The following PCYT1A variants were observed in gnomAD, a reference collection of about 807,000 sequenced individuals.
PCYT1A encodes the protein choline-phosphate cytidylyltransferase A.
Under a neutral mutation model 43.7 loss-of-function variants are expected in PCYT1A, and 25 were observed. The observed-to-expected ratio is 0.57, with a 90% CI of 0.42 to 0.80. The LOEUF (loss-of-function observed/expected upper bound fraction) is 0.80, where lower values mean the gene tolerates loss of function less well. Ranked by LOEUF, PCYT1A falls within the 30% of genes least tolerant of loss-of-function variation. The pLI is 0.00. For synonymous variants in PCYT1A, 172 were observed against 170.7 expected (o/e 1.01, Z -0.06); for missense variants, 421 against 474.2 (o/e 0.89, Z 1.04).
chr3:196,242,501 A>G lies in PCYT1A; in HGVS notation c.565+61T>C, dbSNP rs1315013195. 9.2e-7 allele frequency: 1 copy of G among 1,082,504 alleles called. No individual in the cohort carries two copies. The highest frequency in any genetic ancestry group is 2.4e-5 in the East Asian group (1 of 42,486). The allele number at this position is 1,082,504 out of a possible 1,614,324, so 67.1% of individuals were successfully genotyped here. The stretch of plus-strand genomic sequence containing the variant: ...ACATTTTCCTCTGTAAAGCAGCAAC[A>G]TGGCTGAACATCTGCAGCTGCCCTG... On this transcript the variant is annotated intron_variant, in intron 6 of 8. Transcript: ENST00000431016. The surrounding 1 kb of genome is among the most constrained non-coding windows in gnomAD (Gnocchi z 4.2).
intron 1 of PCYT1A, among the ~76,000 whole-genome samples, chr3:196,283,109 G>A (rs561076684): frequency 2.4e-4 from 36 of 152,320 alleles, no homozygotes; most frequent in Admixed American, 9.2e-4. Flanking sequence ...AGGCCGAGGC[G>A]GATGGATCAC....
At chr3:196,281,485 G>A (rs936381957) in intron 1 of PCYT1A, among the ~76,000 whole-genome samples, 5 of 152,152 alleles carry the variant, frequency 3.3e-5, no homozygotes, top group African/African-American at 1.2e-4. Context: ...ATTAAAATTC[G>A]ATCAGAACAC....
intron 3 of PCYT1A, among the ~76,000 whole-genome samples, chr3:196,251,865 C>A (rs1025752907): frequency 2.0e-5 from 3 of 152,144 alleles, no homozygotes; most frequent in African/African-American, 7.2e-5. Context: ...ACTTTATGCC[C>A]TTTTTGTATT....
At chr3:196,275,474 G>A (rs956409375) in intron 1 of PCYT1A, among the ~76,000 whole-genome samples, 38 of 152,104 alleles carry the variant, frequency 2.5e-4, no homozygotes, top group Non-Finnish European at 3.7e-4. Context: ...AGTGGCTCAC[G>A]CCTGTAATCT....
chr3:196,241,577 C>T (rs373120088), intron 7 of PCYT1A: 19 of 1,302,102 alleles, frequency 1.5e-5, no homozygotes, highest in African/African-American at 3.0e-5. Flanking sequence ...AGTGGTGTGT[C>T]GGGTGTCACT....
At position 196,247,798 on chromosome 3, in the gene PCYT1A, G is replaced by A. The variant is rs1003130812; in HGVS notation, c.335-280C>T. On this transcript the variant is annotated intron_variant, in intron 4 of 8. Coordinates refer to ENST00000431016, the MANE Select transcript of PCYT1A (RefSeq NM_001312673.2). The surrounding 1 kb of genome is among the most constrained non-coding windows in gnomAD (Gnocchi z 4.8). ...TGACTCTGAAATAAACCTGCTGTGC[G>A]TGTCTGCATCAATTAAGTCCTTAAA... 1.7e-6 allele frequency: 1 copy of A among 588,222 alleles called. No homozygotes were observed. The highest frequency in any genetic ancestry group is 2.4e-5 in the Admixed American group (1 of 41,494). 36.4% of individuals were successfully genotyped at this position (588,222 alleles called of 1,614,324 possible).
chr3:196,271,113 C>G (rs1012511184), intron 1 of PCYT1A, among the ~76,000 whole-genome samples: 14 of 152,118 alleles, frequency 9.2e-5, no homozygotes, highest in Non-Finnish European at 1.8e-4. Flanking sequence ...CAGCTTCAAC[C>G]TCGTTAGCTC....
At chr3:196,274,119 T>C (rs571762488) in intron 1 of PCYT1A, among the ~76,000 whole-genome samples, 1 of 152,348 alleles carries the variant, frequency 6.6e-6, no homozygotes, top group East Asian at 1.9e-4. Context: ...GTGCCCAGGC[T>C]TGGCCTCAAC....
At chr3:196,263,100 T>G (rs1370823568) in intron 2 of PCYT1A, among the ~76,000 whole-genome samples, 1 of 152,182 alleles carries the variant, frequency 6.6e-6, no homozygotes, top group Non-Finnish European at 1.5e-5. Context: ...ACTCTAAGGA[T>G]TCTTAAATAT....
intron 2 of PCYT1A, among the ~76,000 whole-genome samples, chr3:196,261,990 T>C (rs193051928): frequency 2.0e-5 from 3 of 152,256 alleles, no homozygotes; most frequent in East Asian, 3.9e-4. Flanking sequence ...GCAAAATCTT[T>C]TTTTCTAGAG....
intron 2 of PCYT1A, among the ~76,000 whole-genome samples, chr3:196,263,293 A>G (rs1725170334): frequency 1.3e-5 from 2 of 152,110 alleles, no homozygotes; most frequent in South Asian, 2.1e-4. Context: ...ATACCTCACT[A>G]TAACCTTGAC....
chr3:196,245,439 C>CA (rs1724532511), intron 5 of PCYT1A, among the ~76,000 whole-genome samples: 1 of 152,124 alleles, frequency 6.6e-6, no homozygotes, highest in Admixed American at 6.5e-5. Flanking sequence ...AGCGCCTGGC[C>CA]ATTTTACTGC....
intron 7 of PCYT1A, 26 bp downstream of exon 7, chr3:196,241,922 A>G (rs772593221): frequency 1.9e-6 from 3 of 1,611,900 alleles, no homozygotes; most frequent in Admixed American, 3.3e-5. Context: ...AGAGTCAGGG[A>G]ACTCTGGGGT....
Position 196,270,555 on chromosome 3 carries a change from G to C in PCYT1A, c.-10-14C>G. On this transcript the variant is annotated splice_polypyrimidine_tract_variant and intron_variant, in intron 1 of 8. Coordinates refer to ENST00000431016, the MANE Select transcript of PCYT1A (RefSeq NM_001312673.2). Reference sequence around the variant, plus strand: ...ATCTTCTTTTAACTGGTCATAGAAAGTGAAAACAAAAATTTTCTCATTGGG... The same window carrying C: ...ATCTTCTTTTAACTGGTCATAGAAACTGAAAACAAAAATTTTCTCATTGGG... 6.4e-7 allele frequency: 1 copy of C among 1,569,168 alleles called. No homozygotes were observed. Among genetic ancestry groups the C allele is most frequent in the Middle Eastern group, 1.7e-4 (1 of 6,006 alleles).
chr3:196,248,377 T>C, intron 3 of PCYT1A, 54 bp from the exon 4 acceptor site: 1 of 1,129,240 alleles, frequency 8.9e-7, no homozygotes. Flanking sequence ...TTGTCATTTT[T>C]ATTTTTATTT....
intron 7 of PCYT1A, among the ~76,000 whole-genome samples, chr3:196,240,397 A>G (rs1724312875): frequency 6.6e-6 from 1 of 152,214 alleles, no homozygotes; most frequent in South Asian, 2.1e-4. Context: ...AATGAGAAGT[A>G]TCCTTGGCCA....
intron 2 of PCYT1A, chr3:196,267,494 C>T (rs1485328479): frequency 7.1e-5 from 24 of 338,168 alleles, no homozygotes; most frequent in South Asian, 3.5e-4. Flanking sequence ...GCAGGAGAAT[C>T]GCTTGATCCA....
Position 196,238,671 on chromosome 3 carries a change from A to G in PCYT1A, c.*17T>C, listed in dbSNP as rs1229887560. 2 of 1,470,132 alleles carry G rather than the reference A, an allele frequency of 1.4e-6. No individual in the cohort carries two copies. Among genetic ancestry groups the G allele is most frequent in the Non-Finnish European group, 1.8e-6 (2 of 1,097,708 alleles). 91.1% of individuals were successfully genotyped at this position (1,470,132 alleles called of 1,614,324 possible). ...TAATGGGACAGAAAGGGAGGACAGG[A>G]AAGGAGGGAGGAAACATTAGTCTTC... is the stretch of plus-strand genomic sequence containing the variant. On this transcript the variant is annotated 3_prime_UTR_variant, in exon 9 of 9. Coordinates refer to ENST00000431016, the MANE Select transcript of PCYT1A (RefSeq NM_001312673.2).
Position 196,250,590 on chromosome 3 carries a change from T to C in PCYT1A, c.218-2267A>G, listed in dbSNP as rs555792477. The C allele has an allele frequency of 2.4e-5, 4 of 166,264 alleles. No homozygotes were observed. The South Asian group carries it at 5.6e-4, about 23-fold the overall frequency. The allele number at this position is 166,264 out of a possible 1,614,324, so 10.3% of individuals were successfully genotyped here. A position where few individuals can be genotyped will look rare whatever the true frequency, so the allele number is the denominator to read the frequency against. ...AGGACCAGATACACTATGCTGAGGC[T>C]GAGGATCAGATACACTATGCTGAGG... is the stretch of plus-strand genomic sequence containing the variant. On this transcript the variant is annotated intron_variant, in intron 3 of 8. Transcript: ENST00000431016.
Sources: gnomAD v4.1 joint callset for allele counts (sites outside exome capture counted in the v4.1 genomes callset) on GRCh38, gnomAD v4.1.1 for gene constraint, Gnocchi (gnomAD v3.1) non-coding constraint, MANE v1.5 for transcripts, NCBI Gene and HGNC (gene_info 2026-07-23, HGNC 2026-07-21) for gene names.